The following SHPK variants were observed in gnomAD, a reference collection of about 807,000 sequenced individuals.
The protein encoded by SHPK is sedoheptulokinase, also known as carbohydrate kinase-like protein.
Under a neutral mutation model 46.3 loss-of-function variants are expected in SHPK, and 51 were observed. That is an observed-to-expected ratio of 1.10 (90% CI 0.88 to 1.39). The LOEUF is 1.39. Ranked by LOEUF, SHPK falls within the 40% of genes most tolerant of loss-of-function variation. The pLI, the probability that SHPK is intolerant of heterozygous loss-of-function variation, is 0.00. For synonymous variants in SHPK, 290 were observed against 273.9 expected, an observed-to-expected ratio of 1.06 and a Z score of -0.58; for missense variants, 668 against 641.3, an observed-to-expected ratio of 1.04 and a Z score of -0.45.
At chr17:3,616,172 G>A (rs560774057) in intron 5 of SHPK, among the ~76,000 whole-genome samples, 2 of 152,216 alleles carry the variant, frequency 1.3e-5, no homozygotes, top group South Asian at 4.1e-4. Flanking sequence ...CTTTCAAGAG[G>A]TAGAACCTGA....
At chr17:3,621,472 A>C in intron 4 of SHPK, 60 bp from the exon 5 acceptor site, 1 of 1,500,076 alleles carries the variant, frequency 6.7e-7, no homozygotes. Context: ...AATTTAAGGG[A>C]TCCTTCCTTC....
In SHPK at chr17:3,636,123, C is replaced by A; in HGVS notation, c.97G>T (p.Ala33Ser). 2 of 1,610,326 alleles carry A rather than the reference C, an allele frequency of 1.2e-6. No homozygotes were observed. The highest frequency in any genetic ancestry group is 1.7e-6 in the Non-Finnish European group (2 of 1,178,424). The change falls in exon 1 of 7, where the codon GCA becomes TCA. Residue 33 changes from alanine to serine, a missense_variant. Physicochemically the swap from Ala to Ser is moderately conservative, Grantham distance 99. Transcript: ENST00000225519. Reference sequence around the variant, plus strand: ...GCACGGGCACAGCTCGCCAGCACTGCGAACCCGGATGGGTCGTCGGGCGCG... The same window carrying A: ...GCACGGGCACAGCTCGCCAGCACTGAGAACCCGGATGGGTCGTCGGGCGCG... ...RAAPDDPSGF[A>S]VLASCARAAR...
rs550208490 is a variant in SHPK, at chr17:3,623,549, C to T, written c.495-58G>A. ...ATAACATGAACTCGGAAGCATGTGC[C>T]GCACCTAGCTGCAGGCAGCAGGGAC... is the stretch of plus-strand genomic sequence containing the variant. On this transcript the variant is annotated intron_variant, in intron 3 of 6. Transcript: ENST00000225519. 2.8e-4 allele frequency: 436 copies of T among 1,554,776 alleles called. 3 individuals carry two copies. The highest frequency in any genetic ancestry group is 1.5e-4 in the Non-Finnish European group (171 of 1,126,590).
At chr17:3,622,612 C>T (rs1310474767) in intron 4 of SHPK, 2 of 984,618 alleles carry the variant, frequency 2.0e-6, no homozygotes, top group East Asian at 1.1e-4. Flanking sequence ...AGTGAACTTA[C>T]AGGGCACTGG....
chr17:3,611,440 G>C (rs2075339166), intron 6 of SHPK, among the ~76,000 whole-genome samples: 1 of 152,162 alleles, frequency 6.6e-6, no homozygotes, highest in South Asian at 2.1e-4. Context: ...GTGGTGGCAG[G>C]CACCTGTAAT....
At chr17:3,614,390 T>G (rs978705324) in intron 6 of SHPK, among the ~76,000 whole-genome samples, 3 of 151,968 alleles carry the variant, frequency 2.0e-5, no homozygotes, top group African/African-American at 7.3e-5. Flanking sequence ...CTGGGTGTGG[T>G]GGCGGGTGCC....
chr17:3,636,003 G>A (rs985823287), intron 1 of SHPK, 49 bp downstream of exon 1: 1 of 1,483,268 alleles, frequency 6.7e-7, no homozygotes, highest in Admixed American at 2.5e-5. Context: ...GTGGAAAAGG[G>A]TGGTCAGGAG....
chr17:3,632,552 A>G (rs1597579899), intron 1 of SHPK, among the ~76,000 whole-genome samples: 1 of 152,120 alleles, frequency 6.6e-6, no homozygotes, highest in African/African-American at 2.4e-5. Flanking sequence ...TGGTAAAGAC[A>G]AGGAGGCAGT....
At chr17:3,615,082 G>C (rs963185146) in intron 6 of SHPK, among the ~76,000 whole-genome samples, 2 of 152,216 alleles carry the variant, frequency 1.3e-5, no homozygotes, top group African/African-American at 2.4e-5. Context: ...GAGACTGTTA[G>C]GAAGGTTCAC....
At chr17:3,629,644 C>T (rs1465901346) in intron 2 of SHPK, among the ~76,000 whole-genome samples, 1 of 151,098 alleles carries the variant, frequency 6.6e-6, no homozygotes, top group Non-Finnish European at 1.5e-5. Flanking sequence ...AGGAAGACCA[C>T]TTGAACTCGG....
intron 1 of SHPK, among the ~76,000 whole-genome samples, chr17:3,633,884 G>A (rs1269433598): frequency 6.6e-6 from 1 of 151,922 alleles, no homozygotes; most frequent in Non-Finnish European, 1.5e-5. Flanking sequence ...TGTGTAGAAA[G>A]AAGTAGACAT....
Position 3,617,770 on chromosome 17 carries a change from G to A in SHPK, c.824-2233C>T, listed in dbSNP as rs1469554750. ...CTTTGTACCTTCCTCTCCCTACACT[G>A]AATCTGCTGACATTTTTGCCTGTTT... On this transcript the variant is annotated intron_variant, in intron 5 of 6. Coordinates refer to ENST00000225519, the MANE Select transcript of SHPK (RefSeq NM_013276.4). Among the ~76,000 whole-genome samples, 5 of 152,034 alleles carry A rather than the reference G, an allele frequency of 3.3e-5. No individual in the cohort carries two copies. The East Asian group carries it at 9.6e-4, about 29-fold the overall frequency.
intron 2 of SHPK, 85 bp downstream of exon 2, chr17:3,630,120 C>T: frequency 1.9e-6 from 3 of 1,550,848 alleles, no homozygotes; most frequent in Non-Finnish European, 2.7e-6. Context: ...GATAACCCGA[C>T]CCTTCACAGA....
chr17:3,623,480 A>T lies in SHPK; in HGVS notation c.506T>A (p.Leu169Gln), dbSNP rs2075414952. 1 of 1,614,004 alleles carries T rather than the reference A, an allele frequency of 6.2e-7. No homozygotes were observed. The highest frequency in any genetic ancestry group is 8.5e-7 in the Non-Finnish European group (1 of 1,179,986). The stretch of plus-strand genomic sequence containing the variant: ...GGTACCGGCTGCGTCGTAGGACTTC[A>T]GGAACTCTGGGCTGTTTTTCATACC... ...FWLLKYRPEF[L>Q]KSYDAAGTIH... is the part of the protein sequence containing the mutation. Residue 169 changes from leucine to glutamine, a missense_variant, in exon 4 of 7, where the codon CTG becomes CAG. By Grantham distance (113) the Leu-to-Gln change is moderately radical (BLOSUM62 -2). Coordinates refer to ENST00000225519, the MANE Select transcript of SHPK (RefSeq NM_013276.4).
intron 1 of SHPK, among the ~76,000 whole-genome samples, chr17:3,631,546 A>G (rs1477513431): frequency 3.1e-5 from 2 of 64,784 alleles, no homozygotes; most frequent in Non-Finnish European, 4.8e-5. Flanking sequence ...TTTTAGCGAT[A>G]GAGTCTCTCT....
At chr17:3,615,185 C>T in intron 6 of SHPK, 152 bp downstream of exon 6, 2 of 706,398 alleles carry the variant, frequency 2.8e-6, no homozygotes, top group Non-Finnish European at 4.8e-6. Context: ...AAGCTCAGAT[C>T]CCAAAGGATG....
intron 6 of SHPK, among the ~76,000 whole-genome samples, chr17:3,611,174 C>A (rs1470362176): frequency 6.6e-6 from 1 of 152,202 alleles, no homozygotes; most frequent in Non-Finnish European, 1.5e-5. Context: ...TCAGTGCAGA[C>A]CCCAGCCAGA....
Position 3,615,188 on chromosome 17 carries a change from A to G in SHPK, c.1024+149T>C, listed in dbSNP as rs2075364757. 5 of 714,008 alleles carry G rather than the reference A, an allele frequency of 7.0e-6. No homozygotes were observed. The South Asian group carries it at 8.9e-5, about 13-fold the overall frequency. 44.2% of individuals were successfully genotyped at this position (714,008 alleles called of 1,614,324 possible). On this transcript the variant is annotated intron_variant, in intron 6 of 6. Coordinates refer to ENST00000225519, the MANE Select transcript of SHPK (RefSeq NM_013276.4). ...AAAAGAGGCTGCAAGCTCAGATCCC[A>G]AAGGATGGGAGAAATATGCCAGGAC...
At chr17:3,612,060 T>G (rs2075343277) in intron 6 of SHPK, among the ~76,000 whole-genome samples, 1 of 151,686 alleles carries the variant, frequency 6.6e-6, no homozygotes, top group South Asian at 2.1e-4. Context: ...TGCCTCAGCC[T>G]TCCAAAGTAC....
Sources: gnomAD v4.1 joint callset for allele counts (sites outside exome capture counted in the v4.1 genomes callset) on GRCh38, gnomAD v4.1.1 for gene constraint, MANE v1.5 for transcripts, NCBI Gene and HGNC (gene_info 2026-07-23, HGNC 2026-07-21) for gene names.